The following CCSER1 variants were observed in gnomAD, a reference collection of about 807,000 sequenced individuals.
CCSER1 encodes coiled-coil serine rich protein 1, also known as serine-rich coiled-coil domain-containing protein 1.
In CCSER1, 41 loss-of-function variants were observed where a neutral mutation model predicts 82.0. The observed-to-expected ratio is 0.50, with a 90% CI of 0.39 to 0.65. The LOEUF (loss-of-function observed/expected upper bound fraction) is 0.65. Among genes scored for constraint, CCSER1 ranks in the 30% least tolerant of loss-of-function variants. The probability of loss-of-function intolerance (pLI) is 0.00; values close to 1 mark genes in which losing one functional copy is unlikely to be tolerated. For missense variants in CCSER1, 1,119 were observed against 1,064.2 expected, an observed-to-expected ratio of 1.05 and a Z score of -0.72; for synonymous variants, 414 against 383.9, an observed-to-expected ratio of 1.08 and a Z score of -0.92.
chr4:90,565,482 T>C (rs1579192226), intron 5 of CCSER1, among the ~76,000 whole-genome samples: 1 of 152,194 alleles, frequency 6.6e-6, no homozygotes, highest in South Asian at 2.1e-4. Flanking sequence ...ACTTCTTTCT[T>C]TCCAATTTAG....
intron 10 of CCSER1, among the ~76,000 whole-genome samples, chr4:91,216,354 CTGTCG>C (rs1304688496): frequency 2.6e-5 from 4 of 152,206 alleles, no homozygotes; most frequent in African/African-American, 9.7e-5. Flanking sequence ...GAGTCTCGCT[CTGTCG>C]CCCAGTCTGG....
At chr4:90,944,207 G>C (rs1242293404) in intron 9 of CCSER1, among the ~76,000 whole-genome samples, 1 of 149,188 alleles carries the variant, frequency 6.7e-6, no homozygotes, top group East Asian at 2.0e-4. Context: ...ACTCCAGCCT[G>C]GGTGACAGAG....
chr4:90,689,499 T>G, intron 6 of CCSER1, among the ~76,000 whole-genome samples: 1 of 152,296 alleles, frequency 6.6e-6, no homozygotes, highest in Non-Finnish European at 1.5e-5. Flanking sequence ...TTCTAATATT[T>G]AATGTAAATA....
At chr4:91,507,808 A>G (rs985142882) in intron 10 of CCSER1, among the ~76,000 whole-genome samples, 3 of 151,858 alleles carry the variant, frequency 2.0e-5, no homozygotes, top group Non-Finnish European at 2.9e-5. Context: ...TGTCTTATCT[A>G]AGACATCAAA....
At chr4:91,266,015 C>A (rs1000853371) in intron 10 of CCSER1, among the ~76,000 whole-genome samples, 1 of 152,096 alleles carries the variant, frequency 6.6e-6, no homozygotes, top group African/African-American at 2.4e-5. Context: ...CCTTGTAAAA[C>A]CATGAGATCT....
intron 10 of CCSER1, among the ~76,000 whole-genome samples, chr4:91,571,572 A>G (rs1763186031): frequency 6.6e-6 from 1 of 152,174 alleles, no homozygotes; most frequent in Non-Finnish European, 1.5e-5. Flanking sequence ...ACACTTATAG[A>G]ACCATAAGAT....
intron 10 of CCSER1, among the ~76,000 whole-genome samples, chr4:91,248,874 C>T (rs1053557800): frequency 1.8e-4 from 27 of 152,160 alleles, no homozygotes; most frequent in African/African-American, 6.0e-4. Context: ...ACTACCTTTA[C>T]AATTTTTTGG....
At chr4:90,909,707 AT>A (rs1354569941) in intron 8 of CCSER1, among the ~76,000 whole-genome samples, 1 of 152,178 alleles carries the variant, frequency 6.6e-6, no homozygotes, top group Non-Finnish European at 1.5e-5. Flanking sequence ...GCCTTTCTTA[AT>A]TAGCTTTACC....
At chr4:91,070,766 C>T (rs1721343420) in intron 9 of CCSER1, among the ~76,000 whole-genome samples, 1 of 152,180 alleles carries the variant, frequency 6.6e-6, no homozygotes, top group Non-Finnish European at 1.5e-5. Context: ...AAAATGCCTT[C>T]CACAAAACCA....
chr4:90,464,439 C>G (rs1396573994), intron 4 of CCSER1, among the ~76,000 whole-genome samples: 2 of 152,196 alleles, frequency 1.3e-5, no homozygotes, highest in Non-Finnish European at 2.9e-5. Flanking sequence ...TAAATGACTT[C>G]TACTAGGTAC....
intron 7 of CCSER1, among the ~76,000 whole-genome samples, chr4:90,757,268 G>C (rs1447435244): frequency 6.6e-6 from 1 of 152,178 alleles, no homozygotes; most frequent in Non-Finnish European, 1.5e-5. Flanking sequence ...TGGTTGTATA[G>C]ACAGCAAAGG....
At chr4:91,317,244 C>T (rs1578182619) in intron 10 of CCSER1, among the ~76,000 whole-genome samples, 1 of 152,050 alleles carries the variant, frequency 6.6e-6, no homozygotes, top group East Asian at 1.9e-4. Context: ...AAATCTCTTC[C>T]TACCAGTCTC....
intron 1 of CCSER1, among the ~76,000 whole-genome samples, chr4:90,166,800 T>C (rs924540210): frequency 6.6e-6 from 1 of 151,996 alleles, no homozygotes; most frequent in African/African-American, 2.4e-5. Flanking sequence ...TAAAAGCTCA[T>C]TGTATACTAA....
At chr4:91,259,892 A>C (rs1740978400) in intron 10 of CCSER1, among the ~76,000 whole-genome samples, 1 of 152,180 alleles carries the variant, frequency 6.6e-6, no homozygotes, top group African/African-American at 2.4e-5. Context: ...TAGTGCTGCA[A>C]TAAACATACA....
At chr4:90,285,469 C>T (rs1015813512) in intron 1 of CCSER1, among the ~76,000 whole-genome samples, 1 of 151,858 alleles carries the variant, frequency 6.6e-6, no homozygotes, top group African/African-American at 2.4e-5. Flanking sequence ...AGAAATGGTA[C>T]TGATTTTTGT....
At chr4:90,557,820 G>T (rs1778309792) in intron 5 of CCSER1, among the ~76,000 whole-genome samples, 1 of 152,036 alleles carries the variant, frequency 6.6e-6, no homozygotes, top group South Asian at 2.1e-4. Context: ...ATTACATGTG[G>T]ACATTTTAAA....
chr4:90,352,015 A>G (rs1266909514), intron 3 of CCSER1, among the ~76,000 whole-genome samples: 1 of 152,062 alleles, frequency 6.6e-6, no homozygotes. Context: ...TTCTAAATCT[A>G]TGTTCTCATT....
intron 10 of CCSER1, among the ~76,000 whole-genome samples, chr4:91,138,317 G>GA (rs1449209754): frequency 2.6e-5 from 1 of 38,862 alleles, no homozygotes; most frequent in African/African-American, 7.9e-5. Context: ...ACAAACCTGA[G>GA]AAAAACAAGC....
At chr4:91,255,090 A>T (rs1453830060) in intron 10 of CCSER1, among the ~76,000 whole-genome samples, 1 of 152,142 alleles carries the variant, frequency 6.6e-6, no homozygotes, top group African/African-American at 2.4e-5. Context: ...ATAGTCTGTA[A>T]TATTAATGTT....
Sources: gnomAD v4.1 joint callset for allele counts (sites outside exome capture counted in the v4.1 genomes callset) on GRCh38, gnomAD v4.1.1 for gene constraint, MANE v1.5 for transcripts, NCBI Gene and HGNC (gene_info 2026-07-23, HGNC 2026-07-21) for gene names.